The following PIK3R1 variants were observed in gnomAD, a reference collection of about 807,000 sequenced individuals.
PIK3R1 encodes phosphoinositide-3-kinase regulatory subunit 1.
A neutral mutation model predicts 98.0 loss-of-function variants in PIK3R1; 29 were observed. The ratio of observed to expected loss-of-function variants is 0.30; its 90% CI spans 0.22 to 0.40. The LOEUF is 0.40. Among genes scored for constraint, PIK3R1 ranks in the 10% least tolerant of loss-of-function variants. The probability of loss-of-function intolerance (pLI) is 1.00; values close to 1 mark genes in which losing one functional copy is unlikely to be tolerated. For missense variants in PIK3R1, 596 were observed against 872.7 expected (o/e 0.68, Z 3.99); for synonymous variants, 282 against 311.8 (o/e 0.90, Z 1.01).
At chr5:68,277,956 A>G (rs1746650278) in intron 4 of PIK3R1, among the ~76,000 whole-genome samples, 1 of 152,122 alleles carries the variant, frequency 6.6e-6, no homozygotes, top group African/African-American at 2.4e-5. Context: ...CACTGAGTAC[A>G]CAAGTCCCCA....
chr5:68,226,174 G>C (rs1292578999), intron 1 of PIK3R1, 116 bp from the exon 2 acceptor site: 1 of 351,468 alleles, frequency 2.8e-6, no homozygotes, highest in Non-Finnish European at 5.1e-6. Context: ...TAGCACACTG[G>C]CCTGTGTCTG....
chr5:68,267,479 G>T (rs1408308400), intron 2 of PIK3R1, among the ~76,000 whole-genome samples: 4 of 152,128 alleles, frequency 2.6e-5, no homozygotes, highest in Admixed American at 2.0e-4. Context: ...AGACTAATTA[G>T]GATATCTGAG....
intron 2 of PIK3R1, among the ~76,000 whole-genome samples, chr5:68,272,227 T>A (rs565925091): frequency 7.1e-6 from 1 of 140,632 alleles, no homozygotes; most frequent in Admixed American, 7.6e-5. Context: ...CACTCCAGCC[T>A]GGGTGACAGA....
chr5:68,230,318 A>C (rs914695496), intron 2 of PIK3R1, among the ~76,000 whole-genome samples: 18 of 152,258 alleles, frequency 1.2e-4, no homozygotes, highest in Non-Finnish European at 2.6e-4. Context: ...TTTAAGCTCC[A>C]TAAGGGGAGA....
intron 4 of PIK3R1, 75 bp downstream of exon 4, chr5:68,274,088 C>A (rs569632461): frequency 7.3e-6 from 8 of 1,097,402 alleles, no homozygotes; most frequent in Admixed American, 1.7e-5. Context: ...TGCACACACA[C>A]AAAATTGAAT....
At chr5:68,248,108 C>T (rs1351624568) in intron 2 of PIK3R1, among the ~76,000 whole-genome samples, 2 of 151,766 alleles carry the variant, frequency 1.3e-5, no homozygotes, top group African/African-American at 4.8e-5. Flanking sequence ...TCTCCTGCCT[C>T]AGCTGGGACC....
At chr5:68,276,885 A>G (rs1580239211) in intron 4 of PIK3R1, among the ~76,000 whole-genome samples, 1 of 152,182 alleles carries the variant, frequency 6.6e-6, no homozygotes, top group African/African-American at 2.4e-5. Flanking sequence ...TGTGCTGGAC[A>G]CTGAGGGATG....
At chr5:68,249,413 T>G (rs1478690716) in intron 2 of PIK3R1, among the ~76,000 whole-genome samples, 1 of 152,248 alleles carries the variant, frequency 6.6e-6, no homozygotes, top group Non-Finnish European at 1.5e-5. Context: ...TTGTATTATA[T>G]TTCCATAAAA....
At chr5:68,222,523 T>C (rs1744127223) in intron 1 of PIK3R1, among the ~76,000 whole-genome samples, 1 of 152,156 alleles carries the variant, frequency 6.6e-6, no homozygotes, top group Non-Finnish European at 1.5e-5. Context: ...GTGGGCAGCC[T>C]TCCAGAAGTG....
rs2112306186 is a variant in PIK3R1 at position 68,299,425 on chromosome 5, C to T, written c.*1824C>T. On this transcript the variant is annotated 3_prime_UTR_variant, in exon 16 of 16. Transcript: ENST00000521381. The stretch of plus-strand genomic sequence containing the variant: ...TCATTCATTCTAATCATTGTATGTG[C>T]TTCACTACGGGGGGGAGAAGGAAAC... The T allele has an allele frequency of 8.6e-6, 2 of 233,350 alleles. No individual in the cohort carries two copies. The highest frequency in any genetic ancestry group is 1.2e-4 in the East Asian group (2 of 16,552). 14.5% of individuals were successfully genotyped at this position (233,350 alleles called of 1,614,324 possible). A position where few individuals can be genotyped will look rare whatever the true frequency, so the allele number is the denominator to read the frequency against.
intron 2 of PIK3R1, among the ~76,000 whole-genome samples, chr5:68,256,687 A>G (rs1169458552): frequency 6.6e-6 from 1 of 152,118 alleles, no homozygotes; most frequent in African/African-American, 2.4e-5. Flanking sequence ...AAAATTCACT[A>G]TGTAGTCTCA....
At chr5:68,279,830 T>C (rs1746751195) in intron 5 of PIK3R1, 97 bp downstream of exon 5, 8 of 1,204,692 alleles carry the variant, frequency 6.6e-6, no homozygotes, top group South Asian at 1.4e-5. Context: ...GGTTAGAAAA[T>C]AGTAGTAATA....
chr5:68,288,155 G>A (rs982573796), intron 7 of PIK3R1, among the ~76,000 whole-genome samples: 5 of 152,156 alleles, frequency 3.3e-5, no homozygotes, highest in African/African-American at 1.2e-4. Flanking sequence ...GGCTACTTGA[G>A]CCCCGCGAGC....
chr5:68,224,176 T>C (rs1202326870), intron 1 of PIK3R1, among the ~76,000 whole-genome samples: 1 of 152,242 alleles, frequency 6.6e-6, no homozygotes, highest in African/African-American at 2.4e-5. Flanking sequence ...GATATGTAAA[T>C]GTTCATGTTC....
intron 2 of PIK3R1, among the ~76,000 whole-genome samples, chr5:68,227,219 A>G (rs1227639800): frequency 6.6e-6 from 1 of 152,212 alleles, no homozygotes; most frequent in African/African-American, 2.4e-5. Flanking sequence ...AAATAGGGAC[A>G]CAGTATCCGA....
chr5:68,218,130 C>A, intron 1 of PIK3R1, among the ~76,000 whole-genome samples: 1 of 152,018 alleles, frequency 6.6e-6, no homozygotes, highest in East Asian at 1.9e-4. Context: ...ATACTAAGCG[C>A]AGGAAATCCT....
At chr5:68,273,006 A>G (rs1746424961) in intron 2 of PIK3R1, among the ~76,000 whole-genome samples, 1 of 152,208 alleles carries the variant, frequency 6.6e-6, no homozygotes, top group African/African-American at 2.4e-5. Flanking sequence ...GTTCTGCCCT[A>G]GAGTGTGGTA....
intron 1 of PIK3R1, among the ~76,000 whole-genome samples, chr5:68,225,915 T>C (rs1056194645): frequency 2.0e-5 from 3 of 152,214 alleles, no homozygotes; most frequent in African/African-American, 7.2e-5. Flanking sequence ...CGACCACACA[T>C]GCCATTCTGT....
chr5:68,236,230 A>G (rs1398371174), intron 2 of PIK3R1, among the ~76,000 whole-genome samples: 4 of 151,060 alleles, frequency 2.6e-5, no homozygotes, highest in Non-Finnish European at 5.9e-5. Context: ...CAAAGATGGC[A>G]TATTATAACC....
Sources: gnomAD v4.1 joint callset for allele counts (sites outside exome capture counted in the v4.1 genomes callset) on GRCh38, gnomAD v4.1.1 for gene constraint, MANE v1.5 for transcripts, NCBI Gene and HGNC (gene_info 2026-07-23, HGNC 2026-07-21) for gene names.